The following PNPLA6 variants were observed in gnomAD, a reference collection of about 807,000 sequenced individuals.
PNPLA6 encodes patatin like domain 6, lysophospholipase.
PNPLA6 carries 105 observed loss-of-function variants against 153.7 expected under a neutral mutation model. The observed-to-expected ratio is 0.68, with a 90% confidence interval of 0.58 to 0.80. The LOEUF is 0.80. Ranked by LOEUF, PNPLA6 falls within the 30% of genes least tolerant of loss-of-function variation. PNPLA6 has a pLI of 0.00. For missense variants in PNPLA6, 1,423 were observed against 1,919.3 expected, an observed-to-expected ratio of 0.74 and a Z score of 4.83; for synonymous variants, 825 against 822.2, an observed-to-expected ratio of 1.00 and a Z score of -0.06.
chr19:7,556,907 G>C, intron 26 of PNPLA6, 183 bp downstream of exon 26: 1 of 692,926 alleles, frequency 1.4e-6, no homozygotes, highest in Non-Finnish European at 2.6e-6. Context: ...GTCCGTCCTT[G>C]GGGGAGGGGA....
intron 13 of PNPLA6, among the ~76,000 whole-genome samples, chr19:7,547,417 G>C (rs1276390798): frequency 1.3e-5 from 2 of 152,208 alleles, no homozygotes; most frequent in African/African-American, 4.8e-5. Flanking sequence ...CTAATGACTT[G>C]ACGTTGAACA....
chr19:7,548,416 A>T (rs1370699506), intron 13 of PNPLA6, among the ~76,000 whole-genome samples: 1 of 152,056 alleles, frequency 6.6e-6, no homozygotes, highest in Non-Finnish European at 1.5e-5. Context: ...AAAAAAAAAA[A>T]AAAAATCTCA....
intron 13 of PNPLA6, among the ~76,000 whole-genome samples, chr19:7,547,716 C>T (rs2023442062): frequency 6.6e-6 from 1 of 151,956 alleles, no homozygotes; most frequent in Non-Finnish European, 1.5e-5. Context: ...TAGCTCACTG[C>T]AACCTCAAAC....
chr19:7,558,252 G>A (rs117581820), intron 27 of PNPLA6, among the ~76,000 whole-genome samples: 41 of 152,300 alleles, frequency 2.7e-4, no homozygotes, highest in Admixed American at 2.0e-3. Flanking sequence ...TACGCCAACT[G>A]CACACATGCT....
chr19:7,552,554 G>A (rs930350584), intron 18 of PNPLA6, among the ~76,000 whole-genome samples: 2 of 152,050 alleles, frequency 1.3e-5, no homozygotes, highest in Middle Eastern at 3.2e-3. Flanking sequence ...TCAGGGGTTC[G>A]AGACCAGCCT....
intron 13 of PNPLA6, among the ~76,000 whole-genome samples, chr19:7,547,811 A>ATTTTTTTTTTTT (rs71286227): frequency 7.9e-5 from 9 of 114,504 alleles, no homozygotes; most frequent in Non-Finnish European, 1.0e-4. Flanking sequence ...CTAATTAAAA[A>ATTTTTTTTTTTT]TTTTTTTTTT....
intron 1 of PNPLA6, 38 bp downstream of exon 1, chr19:7,536,058 G>T: frequency 6.3e-7 from 1 of 1,579,670 alleles, no homozygotes; most frequent in Non-Finnish European, 8.6e-7. Context: ...AGGCTGTATG[G>T]TGGGGGGCCC....
Position 7,555,634 on chromosome 19 carries a change from G to A in PNPLA6, c.2964G>A (p.Lys988=), listed in dbSNP as rs1255280208. Reference sequence around the variant, plus strand: ...GCTGCTCGCACATCGGAGTACTAAAGGCATTAGAGGAGGCGGGGGTCCCCG... The same window carrying A: ...GCTGCTCGCACATCGGAGTACTAAAAGCATTAGAGGAGGCGGGGGTCCCCG... ...ARGCSHIGVL[K]ALEEAGVPVD... is the part of the protein sequence containing the mutation. The change falls in exon 24 of 32, where the codon AAG becomes AAA. Residue 988 remains lysine, a synonymous_variant. Transcript: ENST00000600737. The surrounding 1 kb of genome is among the most constrained non-coding windows in gnomAD (Gnocchi z 6.3). 2 of 1,612,614 alleles carry A rather than the reference G, an allele frequency of 1.2e-6. No individual in the cohort carries two copies. The highest frequency in any genetic ancestry group is 1.3e-5 in the African/African-American group (1 of 74,870).
chr19:7,536,226 C>A lies in PNPLA6; in HGVS notation c.268C>A (p.Arg90=). The change falls in exon 2 of 32, where the codon CGG becomes AGG. Residue 90 remains arginine (R), a synonymous_variant. Transcript: ENST00000600737. ...CCCGGATGGCCCCCGGTATCGGTTC[C>A]GGAAGAGGGACAAAGTGCTCTTCTA... is the stretch of plus-strand genomic sequence containing the variant. ...PAPDGPRYRF[R]KRDKVLFYGR... The A allele has an allele frequency of 6.2e-7, 1 of 1,613,956 alleles. No homozygotes were observed. The highest frequency in any genetic ancestry group is 8.5e-7 in the Non-Finnish European group (1 of 1,179,906).
chr19:7,553,434 A>T (rs2023741286), intron 18 of PNPLA6, among the ~76,000 whole-genome samples: 1 of 152,122 alleles, frequency 6.6e-6, no homozygotes. Flanking sequence ...GTGTATTTTT[A>T]GTAGAGCAGT....
rs1292083020 is a variant in PNPLA6 at position 7,561,432 on chromosome 19, CAT to C, written c.4024-55_4024-54del. Reference sequence around the variant, plus strand: ...CCTGTGTGTGCTGGGTGCTGGCTGACATGTGACGCATCAGTGTCCCGTGCTGG... The same window carrying C: ...CCTGTGTGTGCTGGGTGCTGGCTGACGTGACGCATCAGTGTCCCGTGCTGG... On this transcript the variant is annotated intron_variant, in intron 31 of 31. Coordinates refer to ENST00000600737, the MANE Select transcript of PNPLA6 (RefSeq NM_001166114.2). The C allele has an allele frequency of 1.8e-5, 26 of 1,477,226 alleles. No homozygotes were observed. In the East Asian group the frequency reaches 5.3e-4, roughly 30 times the overall value. The allele number at this position is 1,477,226 out of a possible 1,614,324, so 91.5% of individuals were successfully genotyped here.
intron 29 of PNPLA6, 70 bp downstream of exon 29, chr19:7,560,834 C>T: frequency 2.7e-6 from 3 of 1,094,098 alleles, no homozygotes; most frequent in Non-Finnish European, 4.2e-6. Context: ...CTTAAAGTCT[C>T]CCCGAAACCT....
upstream of PNPLA6, chr19:7,535,297 G>C: frequency 1.7e-6 from 1 of 601,238 alleles, no homozygotes; most frequent in Non-Finnish European, 3.0e-6. The surrounding 1 kb of genome is among the most constrained non-coding windows in gnomAD (Gnocchi z 5.0). Context: ...GGAAGCCGGG[G>C]ACCCGCCTCA....
upstream of PNPLA6, chr19:7,535,338 C>T (rs1022679520): frequency 1.9e-4 from 121 of 646,184 alleles, no homozygotes; most frequent in African/African-American, 1.3e-3. The surrounding 1 kb of genome is among the most constrained non-coding windows in gnomAD (Gnocchi z 5.0). Flanking sequence ...GGTCGGTTTG[C>T]TCCATCCCTT....
chr19:7,557,071 AC>A, intron 26 of PNPLA6, 96 bp from the exon 27 acceptor site: 1 of 954,860 alleles, frequency 1.0e-6, no homozygotes. Flanking sequence ...TGCTACGTTA[AC>A]AACGTCCCAG....
At chr19:7,554,827 C>T in intron 21 of PNPLA6, 66 bp from the exon 22 acceptor site, 1 of 1,569,498 alleles carries the variant, frequency 6.4e-7, no homozygotes, top group Non-Finnish European at 8.6e-7. Context: ...GGTAGGCGAT[C>T]AGGGACCCAG....
chr19:7,547,539 G>A (rs1039521653), intron 13 of PNPLA6, among the ~76,000 whole-genome samples: 2 of 151,764 alleles, frequency 1.3e-5, no homozygotes, highest in Non-Finnish European at 2.9e-5. Flanking sequence ...TCACTATGTT[G>A]CCCAGGCTGG....
rs1478567360 is a variant in PNPLA6, at chr19:7,540,073, G to A, written c.554+15G>A. 1 of 1,614,052 alleles carries A rather than the reference G, an allele frequency of 6.2e-7. No individual in the cohort carries two copies. ...AAGAACGTCCGGTCAGTGTTGGGGT[G>A]CAGGTGGGGGTGGAGGGCTGCAGAC... On this transcript the variant is annotated intron_variant, in intron 4 of 31. Coordinates refer to ENST00000600737, the MANE Select transcript of PNPLA6 (RefSeq NM_001166114.2). The surrounding 1 kb of genome is among the most constrained non-coding windows in gnomAD (Gnocchi z 6.8).
Position 7,541,073 on chromosome 19 carries a change from G to A in PNPLA6, c.924+22G>A. ...GCAGGTCAGTGGGCCTTCGCCTCCT[G>A]TCACCCCCTGAGGGACCCCACCCTG... On this transcript the variant is annotated intron_variant, in intron 7 of 31. Coordinates refer to ENST00000600737, the MANE Select transcript of PNPLA6 (RefSeq NM_001166114.2). This position sits in a 1 kb window ranked among gnomAD's most constrained non-coding sequence, Gnocchi z 5.2. The A allele has an allele frequency of 6.2e-7, 1 of 1,604,202 alleles. No homozygotes were observed. Among genetic ancestry groups the A allele is most frequent in the Non-Finnish European group, 8.5e-7 (1 of 1,176,702 alleles).
Sources: gnomAD v4.1 joint callset for allele counts (sites outside exome capture counted in the v4.1 genomes callset) on GRCh38, gnomAD v4.1.1 for gene constraint, Gnocchi (gnomAD v3.1) non-coding constraint, MANE v1.5 for transcripts, NCBI Gene and HGNC (gene_info 2026-07-23, HGNC 2026-07-21) for gene names.